NYAP2: variants seen among roughly 807,000 people sequenced by gnomAD.
NYAP2 encodes neuronal tyrosine-phosphorylated phosphoinositide-3-kinase adaptor 2.
A neutral mutation model predicts 50.4 loss-of-function variants in NYAP2; 23 were observed. That is an observed-to-expected ratio of 0.46 (90% CI 0.33 to 0.65). NYAP2 has a LOEUF of 0.65. Ranked by LOEUF, NYAP2 falls within the 30% of genes least tolerant of loss-of-function variation. NYAP2 has a pLI of 0.02. For missense variants in NYAP2, 885 were observed against 861.0 expected (o/e 1.03, Z -0.35); for synonymous variants, 394 against 365.2 (o/e 1.08, Z -0.90).
chr2:225,454,260 G>T lies in NYAP2; in HGVS notation c.221+45159G>T, dbSNP rs537023486. Reference sequence around the variant, plus strand: ...GTGGAAGGATCACTTGAGCCCAGGAGATTGAGGCTGCAATGAGCCATGATT... The same window carrying T: ...GTGGAAGGATCACTTGAGCCCAGGATATTGAGGCTGCAATGAGCCATGATT... On this transcript the variant is annotated intron_variant, in intron 3 of 6. Transcript: ENST00000636099. 2.1e-3 allele frequency among the ~76,000 whole-genome samples: 319 copies of T among 152,300 alleles called. 1 individual carries two copies. Among genetic ancestry groups the T allele is most frequent in the South Asian group, 5.8e-3 (28 of 4,824 alleles).
chr2:225,432,371 A>G (rs1179333013), intron 3 of NYAP2, among the ~76,000 whole-genome samples: 1 of 150,788 alleles, frequency 6.6e-6, no homozygotes, highest in African/African-American at 2.4e-5. Context: ...ACTGTGTTAT[A>G]TATATATGTT....
chr2:225,402,315 A>T (rs1694876541), intron 2 of NYAP2, among the ~76,000 whole-genome samples: 1 of 152,038 alleles, frequency 6.6e-6, no homozygotes, highest in Admixed American at 6.6e-5. Context: ...AAAAATAAAT[A>T]AATTATAGAC....
At chr2:225,515,344 C>A (rs1559201525) in intron 4 of NYAP2, among the ~76,000 whole-genome samples, 1 of 152,136 alleles carries the variant, frequency 6.6e-6, no homozygotes, top group East Asian at 1.9e-4. Flanking sequence ...CCATGGTGTG[C>A]AATTTGTCAA....
At chr2:225,606,464 G>A (rs765151813) in intron 5 of NYAP2, among the ~76,000 whole-genome samples, 8 of 152,118 alleles carry the variant, frequency 5.3e-5, no homozygotes, top group Non-Finnish European at 8.8e-5. Flanking sequence ...TTTCCTATGA[G>A]TATTAACTCA....
At chr2:225,403,572 C>T (rs1045655940) in intron 2 of NYAP2, among the ~76,000 whole-genome samples, 1 of 151,898 alleles carries the variant, frequency 6.6e-6, no homozygotes, top group African/African-American at 2.4e-5. Flanking sequence ...GCCATTCTTT[C>T]CCAAAACAGA....
chr2:225,511,358 A>C (rs1690812073), intron 3 of NYAP2, among the ~76,000 whole-genome samples: 1 of 144,948 alleles, frequency 6.9e-6, no homozygotes, highest in South Asian at 2.2e-4. Context: ...ACACACACAC[A>C]CACACACACA....
intron 5 of NYAP2, among the ~76,000 whole-genome samples, chr2:225,615,303 C>A (rs565903021): frequency 6.6e-6 from 1 of 152,166 alleles, no homozygotes; most frequent in East Asian, 1.9e-4. Flanking sequence ...CCTGCTCTGC[C>A]CTGCAATACT....
the NYAP2 span, among the ~76,000 whole-genome samples, chr2:225,662,777 G>A: frequency 4.6e-5 from 7 of 152,256 alleles, no homozygotes; most frequent in South Asian, 4.1e-4. Flanking sequence ...GAGGTTTTTC[G>A]GGAGAAACCA....
At chr2:225,652,094 G>A (rs1037378657) in exon 7 of NYAP2, 2 of 152,576 alleles carry the variant, frequency 1.3e-5, no homozygotes, top group Admixed American at 1.3e-4. Flanking sequence ...GTAAGACACT[G>A]TTGAATATTG....
chr2:225,622,143 C>G (rs1459454068), intron 5 of NYAP2, among the ~76,000 whole-genome samples: 1 of 152,164 alleles, frequency 6.6e-6, no homozygotes, highest in Non-Finnish European at 1.5e-5. Flanking sequence ...AACAATCCTC[C>G]CACTCCAGCT....
intron 3 of NYAP2, among the ~76,000 whole-genome samples, chr2:225,489,637 T>G (rs1045037979): frequency 3.3e-5 from 5 of 152,186 alleles, no homozygotes; most frequent in African/African-American, 1.2e-4. Flanking sequence ...TTTGCCATAT[T>G]CTGAAATACC....
chr2:225,613,593 T>A (rs1692936439), intron 5 of NYAP2, among the ~76,000 whole-genome samples: 1 of 152,224 alleles, frequency 6.6e-6, no homozygotes, highest in Non-Finnish European at 1.5e-5. Flanking sequence ...AGGAGTCTAG[T>A]GCAGCATCTG....
chr2:225,622,502 T>C (rs147995049), intron 5 of NYAP2, among the ~76,000 whole-genome samples: 13 of 24,024 alleles, frequency 5.4e-4, no homozygotes, highest in African/African-American at 8.9e-4. Flanking sequence ...ATTTTATTTC[T>C]TTTCTTTCTT....
At chr2:225,422,996 T>G (rs929268310) in intron 3 of NYAP2, among the ~76,000 whole-genome samples, 1 of 152,134 alleles carries the variant, frequency 6.6e-6, no homozygotes, top group African/African-American at 2.4e-5. Flanking sequence ...TGACACCATA[T>G]GAGTTTTCTA....
At chr2:225,587,059 A>G (rs1053643841) in intron 5 of NYAP2, among the ~76,000 whole-genome samples, 6 of 152,180 alleles carry the variant, frequency 3.9e-5, no homozygotes, top group African/African-American at 1.4e-4. Flanking sequence ...TTATAAAACA[A>G]TTAGATCTTG....
At chr2:225,579,316 C>G (rs549347138) in intron 4 of NYAP2, among the ~76,000 whole-genome samples, 39 of 152,152 alleles carry the variant, frequency 2.6e-4, no homozygotes, top group Admixed American at 1.3e-3. Flanking sequence ...CTGATAATCT[C>G]ACAGGCACCA....
At chr2:225,661,724 CTCT>C in the NYAP2 span, among the ~76,000 whole-genome samples, 1 of 96,830 alleles carries the variant, frequency 1.0e-5, no homozygotes, top group Non-Finnish European at 2.6e-5. Flanking sequence ...AATTTGCTCT[CTCT>C]TTTTTTTTTT....
intron 6 of NYAP2, among the ~76,000 whole-genome samples, chr2:225,637,480 T>G (rs906936150): frequency 6.6e-6 from 1 of 152,208 alleles, no homozygotes; most frequent in Non-Finnish European, 1.5e-5. Flanking sequence ...ATTCTCCACA[T>G]CTGCTCTCCT....
chr2:225,497,799 T>C (rs1023946528), intron 3 of NYAP2, among the ~76,000 whole-genome samples: 1 of 152,190 alleles, frequency 6.6e-6, no homozygotes, highest in Non-Finnish European at 1.5e-5. Context: ...TGATCTATAG[T>C]GTCTTTTTCT....
Sources: allele counts gnomAD v4.1 joint callset (sites outside exome capture counted in the v4.1 genomes callset), GRCh38; gene constraint gnomAD v4.1.1; transcripts MANE v1.5; gene names NCBI Gene and HGNC (gene_info 2026-07-23, HGNC 2026-07-21).